FPGS: variants seen among roughly 807,000 people sequenced by gnomAD.
FPGS encodes folylpolyglutamate synthase, mitochondrial.
FPGS carries 53 observed loss-of-function variants against 66.5 expected under a neutral mutation model. The observed-to-expected ratio is 0.80, with a 90% confidence interval of 0.64 to 1.00. FPGS has a LOEUF of 1.00. Among genes scored for constraint, FPGS ranks in the 50% least tolerant of loss-of-function variants. The pLI is 0.00. For synonymous variants in FPGS, 348 were observed against 350.9 expected (o/e 0.99, Z 0.09); for missense variants, 702 against 807.7 (o/e 0.87, Z 1.59).
At position 127,810,014 on chromosome 9, in the gene FPGS, C is replaced by T. The variant is rs1564445697; in HGVS notation, c.1212-17C>T. On this transcript the variant is annotated splice_polypyrimidine_tract_variant and intron_variant, in intron 12 of 14. Coordinates refer to ENST00000373247, the MANE Select transcript of FPGS (RefSeq NM_004957.6). Reference sequence around the variant, plus strand: ...ACGGGCGGCGCCCTTTGACCCAGCTCCTCACCTCTGTCGCAGTGGCCCCGA... The same window carrying T: ...ACGGGCGGCGCCCTTTGACCCAGCTTCTCACCTCTGTCGCAGTGGCCCCGA... The T allele has an allele frequency of 6.2e-7, 1 of 1,606,828 alleles. No homozygotes were observed.
At chr9:127,810,432 C>T (rs1187487099) in intron 13 of FPGS, among the ~76,000 whole-genome samples, 1 of 152,094 alleles carries the variant, frequency 6.6e-6, no homozygotes, top group Non-Finnish European at 1.5e-5. Flanking sequence ...TTCCCCGAGC[C>T]TCAGTTTGCC....
rs1201028635 is a variant in FPGS, at chr9:127,809,898, A to G, written c.1211+64A>G. The G allele has an allele frequency of 2.3e-3, 778 of 334,420 alleles. 7 individuals are homozygous for G. The African/African-American group carries it at 0.042, about 18-fold the overall frequency. The allele number at this position is 334,420 out of a possible 1,614,324, so 20.7% of individuals were successfully genotyped here. The stretch of plus-strand genomic sequence containing the variant: ...ACGAGGAGGGGCGGGATCTTGGGGA[A>G]GGGCGGGGCGGGGTCGTGGGGAAGG... On this transcript the variant is annotated intron_variant, in intron 12 of 14. Coordinates refer to ENST00000373247, the MANE Select transcript of FPGS (RefSeq NM_004957.6).
intron 14 of FPGS, among the ~76,000 whole-genome samples, chr9:127,811,722 A>G (rs1830088841): frequency 6.6e-6 from 1 of 152,036 alleles, no homozygotes. Flanking sequence ...CTGGCCTCAA[A>G]TGATCCACCC....
intron 11 of FPGS, among the ~76,000 whole-genome samples, 196 bp downstream of exon 11, chr9:127,809,085 C>A (rs571089861): frequency 0.02 from 3,043 of 151,884 alleles, 117 homozygotes; most frequent in African/African-American, 0.069. Context: ...GTCTTCTCAT[C>A]TGCCAAAGTA....
At chr9:127,805,419 A>G (rs1829770827) in intron 4 of FPGS, among the ~76,000 whole-genome samples, 1 of 151,942 alleles carries the variant, frequency 6.6e-6, no homozygotes, top group African/African-American at 2.4e-5. Flanking sequence ...TAAAAAAAAA[A>G]AAGAAAATTA....
rs1226717291 is a variant in FPGS at position 127,813,321 on chromosome 9, C to G, written c.1481C>G (p.Pro494Arg). 1 of 1,613,188 alleles carries G rather than the reference C, an allele frequency of 6.2e-7. No individual in the cohort carries two copies. The highest frequency in any genetic ancestry group is 2.2e-5 in the East Asian group (1 of 44,882). Residue 494 changes from proline to arginine, a missense_variant, in exon 15 of 15, where the codon CCC becomes CGC. By Grantham distance (103) the Pro-to-Arg change is moderately radical. Around this residue, in one of 3 missense-constraint regions of FPGS, gnomAD observed 351 missense variants for 363.7 expected, o/e 0.97. Transcript: ENST00000373247. The stretch of plus-strand genomic sequence containing the variant: ...CTCTGGAGTGCCCCCAGCCCAGAGC[C>G]CGGTGGGTCCGCATCCCTGCTTCTG... ...PDLWSAPSPEPGGSASLLLAP... is the reference protein window; with the variant it reads ...PDLWSAPSPERGGSASLLLAP...
At chr9:127,814,084 C>T, downstream of FPGS, 1 of 987,404 alleles carries the variant, frequency 1.0e-6, no homozygotes, top group Non-Finnish European at 1.2e-6. Context: ...TCGACTGACC[C>T]TTGACCCCCT....
intron 3 of FPGS, 25 bp downstream of exon 3, chr9:127,804,577 G>A: frequency 3.1e-6 from 5 of 1,614,144 alleles, no homozygotes; most frequent in Non-Finnish European, 4.2e-6. Context: ...CCTGGGGTAG[G>A]GGGTCTATTA....
At chr9:127,810,211 G>A (rs1177105380) in intron 13 of FPGS, 105 bp downstream of exon 13, 1 of 957,716 alleles carries the variant, frequency 1.0e-6, no homozygotes, top group Admixed American at 2.1e-5. Context: ...TTGTATTGAG[G>A]ATTAGATGTG....
intron 4 of FPGS, among the ~76,000 whole-genome samples, chr9:127,805,181 G>A (rs1266399058): frequency 6.6e-6 from 1 of 152,154 alleles, no homozygotes; most frequent in Non-Finnish European, 1.5e-5. Context: ...GAGCCACGGT[G>A]CCTGGCCTTA....
chr9:127,808,703 A>G lies in FPGS; in HGVS notation c.968A>G (p.His323Arg), dbSNP rs1385266183. The stretch of plus-strand genomic sequence containing the variant: ...TGCTGGCTGCAGCGGCAGGACCGCC[A>G]TGGTGAGTGGGCAGCTGAGTGGGCA... Reference protein sequence around the residue: ...AHCWLQRQDRHGAGEPKASRP... With the variant: ...AHCWLQRQDRRGAGEPKASRP... Residue 323 changes from histidine (H) to arginine (R), a missense_variant and splice_region_variant, in exon 10 of 15, where the codon CAT becomes CGT. By Grantham distance (29) the His-to-Arg change is conservative (BLOSUM62 0). This residue lies in a region of FPGS where 351 missense variants were observed against 363.7 expected (regional missense o/e 0.97). Coordinates refer to ENST00000373247, the MANE Select transcript of FPGS (RefSeq NM_004957.6). 5 of 1,583,896 alleles carry G rather than the reference A, an allele frequency of 3.2e-6. No individual in the cohort carries two copies. Among genetic ancestry groups the G allele is most frequent in the Non-Finnish European group, 4.3e-6 (5 of 1,165,552 alleles).
chr9:127,804,156 G>T lies in FPGS; in HGVS notation c.139-129G>T, dbSNP rs1829717245. The T allele has an allele frequency of 5.8e-6, 7 of 1,213,460 alleles. No individual in the cohort carries two copies. In the East Asian group the frequency reaches 1.7e-4, roughly 29 times the overall value. 75.2% of individuals were successfully genotyped at this position (1,213,460 alleles called of 1,614,324 possible). ...GCTTAACCTACAGGCTAGGCTAACA[G>T]TGCTGGCATGGCAGGCGGGCCTGGT... On this transcript the variant is annotated intron_variant, in intron 1 of 14. Transcript: ENST00000373247.
downstream of FPGS, chr9:127,814,239 G>C: frequency 1.3e-6 from 1 of 784,614 alleles, no homozygotes; most frequent in Non-Finnish European, 1.5e-6. Context: ...AAGAAGACCA[G>C]ACTGAAGCCT....
chr9:127,810,282 T>A (rs1003846765), intron 13 of FPGS, among the ~76,000 whole-genome samples, 176 bp downstream of exon 13: 3 of 152,006 alleles, frequency 2.0e-5, no homozygotes, highest in Non-Finnish European at 4.4e-5. Flanking sequence ...CAGTCATAGG[T>A]CATTACTCAT....
chr9:127,809,245 T>A (rs917003629), intron 11 of FPGS, among the ~76,000 whole-genome samples: 5 of 152,166 alleles, frequency 3.3e-5, no homozygotes, highest in Non-Finnish European at 7.3e-5. Flanking sequence ...CATCAGACCC[T>A]GAGGTTCTGG....
Position 127,804,402 on chromosome 9 carries a change from A to G in FPGS, c.256A>G (p.Ser86Gly). Reference sequence around the variant, plus strand: ...AGCCATGGAACTGTACCTGGCACGGAGTGGGCTGCAGGTAAGGTAGAGAGG... The same window carrying G: ...AGCCATGGAACTGTACCTGGCACGGGGTGGGCTGCAGGTAAGGTAGAGAGG... ...LEAMELYLAR[S>G]GLQVEDLDRL... is the part of the protein sequence containing the mutation. Residue 86 changes from serine (S) to glycine (G), a missense_variant, in exon 2 of 15, where the codon AGT becomes GGT. Physicochemically the swap from Ser to Gly is moderately conservative, Grantham distance 56. Coordinates refer to ENST00000373247, the MANE Select transcript of FPGS (RefSeq NM_004957.6). 6.2e-7 allele frequency: 1 copy of G among 1,614,150 alleles called. No individual in the cohort carries two copies. The highest frequency in any genetic ancestry group is 1.3e-5 in the African/African-American group (1 of 75,038).
chr9:127,803,373 G>C (rs886825904), intron 1 of FPGS: 31 of 1,121,258 alleles, frequency 2.8e-5, no homozygotes, highest in Admixed American at 1.0e-4. Context: ...TGATCCCGGA[G>C]TCTGAACCGG....
chr9:127,812,846 C>T (rs1200211547), intron 14 of FPGS, among the ~76,000 whole-genome samples: 2 of 152,178 alleles, frequency 1.3e-5, no homozygotes, highest in African/African-American at 2.4e-5. Context: ...CGTTTTTAAC[C>T]AGCATCCCCA....
At chr9:127,811,037 G>A (rs766008705) in intron 14 of FPGS, 26 bp downstream of exon 14, 4 of 1,499,250 alleles carry the variant, frequency 2.7e-6, no homozygotes, top group African/African-American at 2.8e-5. Context: ...CATGGCCCCT[G>A]GGGATGAGCA....
Sources: gnomAD v4.1 joint callset for allele counts (sites outside exome capture counted in the v4.1 genomes callset) on GRCh38, gnomAD v4.1.1 for gene constraint, gnomAD v4.1.1 regional missense constraint, MANE v1.5 for transcripts, NCBI Gene and HGNC (gene_info 2026-07-23, HGNC 2026-07-21) for gene names.